The following PLCB1 variants were observed in gnomAD, a reference collection of about 807,000 sequenced individuals.
The protein encoded by PLCB1 is 1-phosphatidylinositol 4,5-bisphosphate phosphodiesterase beta-1.
PLCB1 carries 46 observed loss-of-function variants against 161.8 expected under a neutral mutation model. That is an observed-to-expected ratio of 0.28 (90% confidence interval 0.22 to 0.36). PLCB1 has a LOEUF of 0.36. Among genes scored for constraint, PLCB1 ranks in the 10% least tolerant of loss-of-function variants. PLCB1 has a pLI of 1.00. For synonymous variants in PLCB1, 517 were observed against 503.7 expected, an observed-to-expected ratio of 1.03 and a Z score of -0.35; for missense variants, 1,016 against 1,472.5, an observed-to-expected ratio of 0.69 and a Z score of 5.07.
chr20:8,502,721 C>T (rs1983474701), intron 3 of PLCB1, among the ~76,000 whole-genome samples: 1 of 152,128 alleles, frequency 6.6e-6, no homozygotes, highest in African/African-American at 2.4e-5. Flanking sequence ...GTTCTGCATG[C>T]ACCTTTGCAG....
intron 3 of PLCB1, among the ~76,000 whole-genome samples, chr20:8,599,858 CATCACTG>C (rs1305584252): frequency 6.7e-6 from 1 of 148,306 alleles, no homozygotes; most frequent in Non-Finnish European, 1.5e-5. Flanking sequence ...TTTCATCTTC[CATCACTG>C]ATACCCTTTC....
intron 3 of PLCB1, among the ~76,000 whole-genome samples, chr20:8,391,785 G>GTATATATA (rs374178427): frequency 1.4e-4 from 16 of 115,150 alleles, no homozygotes; most frequent in Admixed American, 3.0e-4. Context: ...ATATGTGTGT[G>GTATATATA]TATATATATA....
At chr20:8,300,598 T>C (rs552407276) in intron 2 of PLCB1, among the ~76,000 whole-genome samples, 2 of 152,278 alleles carry the variant, frequency 1.3e-5, no homozygotes, top group East Asian at 3.9e-4. Flanking sequence ...TGTGCAGGTT[T>C]GTTACATACG....
intron 2 of PLCB1, among the ~76,000 whole-genome samples, chr20:8,280,253 T>A (rs139309657): frequency 1.3e-5 from 2 of 151,908 alleles, no homozygotes; most frequent in East Asian, 3.9e-4. Context: ...GGAGGATTGC[T>A]TGAACCTGGA....
intron 30 of PLCB1, 30 bp downstream of exon 30, chr20:8,789,605 G>T: frequency 6.6e-7 from 1 of 1,525,420 alleles, no homozygotes; most frequent in Non-Finnish European, 9.1e-7. Context: ...TCTCTCCTTT[G>T]CAAAACATGT....
intron 31 of PLCB1, among the ~76,000 whole-genome samples, chr20:8,834,837 A>AC (rs760572268): frequency 1.5e-5 from 2 of 136,276 alleles, no homozygotes; most frequent in African/African-American, 2.6e-5. Flanking sequence ...AAAAAAAAAA[A>AC]CCACAGGCTG....
chr20:8,726,358 T>A (rs1431341561), intron 16 of PLCB1, among the ~76,000 whole-genome samples: 1 of 152,146 alleles, frequency 6.6e-6, no homozygotes, highest in East Asian at 1.9e-4. Flanking sequence ...GTTTAGCACA[T>A]CCTCCTCTCT....
intron 3 of PLCB1, among the ~76,000 whole-genome samples, chr20:8,394,609 C>T (rs115251224): frequency 2.7e-4 from 41 of 152,166 alleles, no homozygotes; most frequent in African/African-American, 9.9e-4. Context: ...TACTATTTCT[C>T]AGGGTTATTG....
At chr20:8,494,003 T>C (rs1341023103) in intron 3 of PLCB1, among the ~76,000 whole-genome samples, 1 of 130,876 alleles carries the variant, frequency 7.6e-6, no homozygotes, top group East Asian at 2.1e-4. Flanking sequence ...TCTGCATGAG[T>C]GCTGTGTGCT....
At chr20:8,861,329 G>A (rs1987246211) in intron 31 of PLCB1, among the ~76,000 whole-genome samples, 1 of 152,200 alleles carries the variant, frequency 6.6e-6, no homozygotes, top group African/African-American at 2.4e-5. Flanking sequence ...CACTTATTAT[G>A]TTTGTTTGGG....
intron 2 of PLCB1, among the ~76,000 whole-genome samples, chr20:8,217,058 A>G (rs1441068010): frequency 6.6e-6 from 1 of 151,902 alleles, no homozygotes; most frequent in Non-Finnish European, 1.5e-5. Flanking sequence ...GTGAGTGGGT[A>G]CTGTGATGAA....
chr20:8,174,967 G>C (rs1378740838), intron 2 of PLCB1, among the ~76,000 whole-genome samples: 4 of 152,232 alleles, frequency 2.6e-5, no homozygotes, highest in East Asian at 1.9e-4. Flanking sequence ...TACTCAGGAG[G>C]CTGAGGCAGG....
chr20:8,299,064 G>A (rs559596159), intron 2 of PLCB1, among the ~76,000 whole-genome samples: 1 of 152,164 alleles, frequency 6.6e-6, no homozygotes, highest in Non-Finnish European at 1.5e-5. Flanking sequence ...TGAAGAAGTA[G>A]CAAAAGAGAG....
At chr20:8,228,862 A>C (rs1455114067) in intron 2 of PLCB1, among the ~76,000 whole-genome samples, 3 of 152,248 alleles carry the variant, frequency 2.0e-5, no homozygotes, top group African/African-American at 4.8e-5. Context: ...TAGCATATCT[A>C]TCACCTCAGA....
chr20:8,818,358 A>G (rs1428045438), intron 31 of PLCB1, among the ~76,000 whole-genome samples: 2 of 152,224 alleles, frequency 1.3e-5, no homozygotes, highest in African/African-American at 4.8e-5. Flanking sequence ...AGGGTTTCCC[A>G]CCAGCAAATC....
At chr20:8,824,263 C>A (rs1042666521) in intron 31 of PLCB1, among the ~76,000 whole-genome samples, 24 of 152,002 alleles carry the variant, frequency 1.6e-4, no homozygotes, top group African/African-American at 5.6e-4. Flanking sequence ...CAGCTGGATA[C>A]AAATATATCT....
intron 2 of PLCB1, among the ~76,000 whole-genome samples, chr20:8,173,751 T>C (rs1357859909): frequency 6.6e-6 from 1 of 152,036 alleles, no homozygotes; most frequent in Non-Finnish European, 1.5e-5. Context: ...ACAAATTATT[T>C]TGAAACAAGT....
At chr20:8,149,947 G>T (rs995863503) in intron 1 of PLCB1, among the ~76,000 whole-genome samples, 1 of 151,888 alleles carries the variant, frequency 6.6e-6, no homozygotes, top group Non-Finnish European at 1.5e-5. Flanking sequence ...TCTTAAGCAT[G>T]GATTTTAGTT....
At chr20:8,627,109 T>C (rs1276124134) in intron 3 of PLCB1, among the ~76,000 whole-genome samples, 1 of 151,088 alleles carries the variant, frequency 6.6e-6, no homozygotes, top group East Asian at 1.9e-4. Context: ...ATTTCAGTTA[T>C]ATTAGGCAGA....
Sources: allele counts gnomAD v4.1 joint callset (sites outside exome capture counted in the v4.1 genomes callset), GRCh38; gene constraint gnomAD v4.1.1; transcripts MANE v1.5; gene names NCBI Gene and HGNC (gene_info 2026-07-23, HGNC 2026-07-21).